The following KCNN2 variants were observed in gnomAD, a reference collection of about 807,000 sequenced individuals.
KCNN2 encodes small conductance calcium-activated potassium channel protein 2.
Under a neutral mutation model 55.5 loss-of-function variants are expected in KCNN2, and 24 were observed. The ratio of observed to expected loss-of-function variants is 0.43; its 90% CI spans 0.31 to 0.61. KCNN2 has a LOEUF of 0.61. KCNN2 is among the 20% of genes least tolerant of loss of function. The pLI is 0.08. For synonymous variants in KCNN2, 431 were observed against 336.1 expected, an observed-to-expected ratio of 1.28 and a Z score of -3.09; for missense variants, 754 against 853.6, an observed-to-expected ratio of 0.88 and a Z score of 1.45.
chr5:114,290,848 T>G (rs1755872984), intron 2 of KCNN2, among the ~76,000 whole-genome samples: 1 of 152,174 alleles, frequency 6.6e-6, no homozygotes, highest in East Asian at 1.9e-4. Context: ...TCTAGCATAT[T>G]GATTGTTTCA....
chr5:114,471,982 G>A (rs975001422), intron 4 of KCNN2, among the ~76,000 whole-genome samples: 8 of 152,130 alleles, frequency 5.3e-5, no homozygotes, highest in South Asian at 2.1e-4. Context: ...TCTGTCTAGC[G>A]GACTCTGCCT....
At chr5:114,137,951 C>T (rs1396410292) in intron 1 of KCNN2, among the ~76,000 whole-genome samples, 1 of 152,062 alleles carries the variant, frequency 6.6e-6, no homozygotes, top group African/African-American at 2.4e-5. Flanking sequence ...ATATTTCAAA[C>T]AGAGCTAAAT....
At chr5:114,074,005 T>C (rs1401586817) in intron 1 of KCNN2, among the ~76,000 whole-genome samples, 1 of 152,244 alleles carries the variant, frequency 6.6e-6, no homozygotes, top group Non-Finnish European at 1.5e-5. Context: ...TTTCTCAAGA[T>C]GGAACAGCTC....
chr5:114,372,509 A>G (rs1206075112), intron 2 of KCNN2, among the ~76,000 whole-genome samples: 1 of 152,192 alleles, frequency 6.6e-6, no homozygotes, highest in Non-Finnish European at 1.5e-5. Context: ...CAAGAAGGAA[A>G]TAAGACTGAT....
intron 7 of KCNN2, among the ~76,000 whole-genome samples, chr5:114,494,991 G>T (rs1030289999): frequency 6.6e-6 from 1 of 152,098 alleles, no homozygotes; most frequent in Non-Finnish European, 1.5e-5. Context: ...ACTAAACTAA[G>T]ATTAAAACCT....
At chr5:114,143,563 C>T (rs1290824305) in intron 1 of KCNN2, among the ~76,000 whole-genome samples, 1 of 152,158 alleles carries the variant, frequency 6.6e-6, no homozygotes, top group Non-Finnish European at 1.5e-5. Context: ...CATTTATAGG[C>T]TCTCCACAAG....
chr5:114,142,348 A>C (rs1479549565), intron 1 of KCNN2, among the ~76,000 whole-genome samples: 2 of 152,130 alleles, frequency 1.3e-5, no homozygotes, highest in Non-Finnish European at 2.9e-5. Flanking sequence ...CTTTCTACAT[A>C]TGGCTAGCCA....
chr5:114,304,268 C>A (rs180832096), intron 2 of KCNN2, among the ~76,000 whole-genome samples: 10 of 152,076 alleles, frequency 6.6e-5, no homozygotes, highest in African/African-American at 9.7e-5. Flanking sequence ...ACAGTTTTTA[C>A]GAGGCCATAG....
chr5:114,309,069 A>G (rs935116692), intron 2 of KCNN2, among the ~76,000 whole-genome samples: 3 of 152,194 alleles, frequency 2.0e-5, no homozygotes, highest in African/African-American at 7.2e-5. Flanking sequence ...AATTAAATTA[A>G]TCTTACTGTC....
At chr5:114,099,907 T>C (rs1000721959) in intron 1 of KCNN2, among the ~76,000 whole-genome samples, 3 of 151,882 alleles carry the variant, frequency 2.0e-5, no homozygotes, top group Admixed American at 6.6e-5. Context: ...TATAAAATAT[T>C]AAATACATTA....
chr5:114,488,110 TTAC>T (rs998541858), intron 6 of KCNN2, among the ~76,000 whole-genome samples: 14 of 152,168 alleles, frequency 9.2e-5, no homozygotes, highest in African/African-American at 2.7e-4. Context: ...CTATAGGAAA[TTAC>T]TAAGCATTCA....
chr5:114,164,095 A>G (rs1295308860), intron 1 of KCNN2, among the ~76,000 whole-genome samples: 2 of 152,212 alleles, frequency 1.3e-5, no homozygotes, highest in African/African-American at 4.8e-5. Flanking sequence ...ATGTCTTACA[A>G]GAAGGATTAC....
At chr5:114,479,492 T>A (rs967608003) in intron 5 of KCNN2, among the ~76,000 whole-genome samples, 1 of 152,166 alleles carries the variant, frequency 6.6e-6, no homozygotes, top group Admixed American at 6.6e-5. Context: ...CAGTATTAGA[T>A]AATTGAGACA....
At chr5:114,344,608 T>C (rs771977998) in intron 2 of KCNN2, among the ~76,000 whole-genome samples, 2 of 152,208 alleles carry the variant, frequency 1.3e-5, no homozygotes, top group South Asian at 2.1e-4. Context: ...TCAGCTGATA[T>C]GTGACCCAAG....
At chr5:114,393,252 T>C (rs899733690) in intron 2 of KCNN2, among the ~76,000 whole-genome samples, 2 of 152,202 alleles carry the variant, frequency 1.3e-5, no homozygotes, top group Non-Finnish European at 2.9e-5. Flanking sequence ...TATTGAATAT[T>C]TGGTTTAAAG....
intron 3 of KCNN2, among the ~76,000 whole-genome samples, chr5:114,425,937 T>C (rs896709686): frequency 2.0e-5 from 3 of 151,596 alleles, no homozygotes; most frequent in African/African-American, 7.3e-5. Flanking sequence ...CCTAGCACTT[T>C]GTGAGGCCGA....
intron 1 of KCNN2, among the ~76,000 whole-genome samples, chr5:114,106,272 T>C (rs2112576158): frequency 6.6e-6 from 1 of 152,046 alleles, no homozygotes; most frequent in Admixed American, 6.6e-5. Context: ...TGGGCTGTTT[T>C]CAGTTTTTGT....
At chr5:114,277,528 GTTA>G (rs1046590207) in intron 2 of KCNN2, among the ~76,000 whole-genome samples, 3 of 152,094 alleles carry the variant, frequency 2.0e-5, no homozygotes, top group African/African-American at 7.2e-5. Context: ...TGGAGGCTTT[GTTA>G]TTTGTTTTCA....
intron 2 of KCNN2, among the ~76,000 whole-genome samples, chr5:114,396,366 C>T (rs1169268104): frequency 2.0e-5 from 3 of 152,152 alleles, no homozygotes; most frequent in African/African-American, 7.2e-5. Flanking sequence ...CTGTGCCATA[C>T]AGCATTTTTC....
Sources: allele counts gnomAD v4.1 joint callset (sites outside exome capture counted in the v4.1 genomes callset), GRCh38; gene constraint gnomAD v4.1.1; transcripts MANE v1.5; gene names NCBI Gene and HGNC (gene_info 2026-07-23, HGNC 2026-07-21).